The following PCNX1 variants were observed in gnomAD, a reference collection of about 807,000 sequenced individuals.
PCNX1 encodes pecanex 1, also known as pecanex-like protein 1.
A neutral mutation model predicts 242.2 loss-of-function variants in PCNX1; 78 were observed. The ratio of observed to expected loss-of-function variants is 0.32; its 90% confidence interval spans 0.27 to 0.39. PCNX1 has a LOEUF of 0.39. Among genes scored for constraint, PCNX1 ranks in the 10% least tolerant of loss-of-function variants. The pLI, the probability that PCNX1 is intolerant of heterozygous loss-of-function variation, is 1.00. For synonymous variants in PCNX1, 1,024 were observed against 1,032.9 expected, an observed-to-expected ratio of 0.99 and a Z score of 0.17; for missense variants, 2,581 against 2,856.5, an observed-to-expected ratio of 0.90 and a Z score of 2.20.
intron 11 of PCNX1, among the ~76,000 whole-genome samples, chr14:71,015,291 T>C (rs1217790888): frequency 6.6e-6 from 1 of 152,196 alleles, no homozygotes; most frequent in Non-Finnish European, 1.5e-5. Flanking sequence ...TAAGTCACTA[T>C]ATGGATAAAT....
chr14:70,962,454 T>C, intron 3 of PCNX1, 123 bp downstream of exon 3: 1 of 593,018 alleles, frequency 1.7e-6, no homozygotes, highest in South Asian at 2.2e-5. Context: ...TTTTAATTGC[T>C]TATTAATAAC....
At chr14:70,972,281 G>T (rs987757775) in intron 5 of PCNX1, among the ~76,000 whole-genome samples, 8 of 151,564 alleles carry the variant, frequency 5.3e-5, no homozygotes, top group Admixed American at 3.9e-4. Context: ...GTAAGTTAGG[G>T]GGTTCAGTTC....
intron 30 of PCNX1, among the ~76,000 whole-genome samples, chr14:71,100,480 C>G (rs999258458): frequency 6.6e-6 from 1 of 152,130 alleles, no homozygotes; most frequent in African/African-American, 2.4e-5. Context: ...GATGGGGTTC[C>G]CTTTTTATGT....
chr14:71,081,226 A>G (rs1294925559), intron 28 of PCNX1, among the ~76,000 whole-genome samples: 1 of 152,180 alleles, frequency 6.6e-6, no homozygotes, highest in Non-Finnish European at 1.5e-5. Context: ...AGCCAACTTG[A>G]TTATGGTGGA....
chr14:71,025,065 A>G (rs927990852), intron 13 of PCNX1, among the ~76,000 whole-genome samples: 2 of 152,166 alleles, frequency 1.3e-5, no homozygotes, highest in Non-Finnish European at 2.9e-5. Context: ...TGATTCAGTT[A>G]TCATTTATTG....
chr14:71,090,210 A>G (rs1461237998), intron 30 of PCNX1, among the ~76,000 whole-genome samples: 2 of 152,192 alleles, frequency 1.3e-5, no homozygotes, highest in Non-Finnish European at 2.9e-5. Flanking sequence ...GGGTAATAAC[A>G]TTAAAGTGAG....
Position 71,109,479 on chromosome 14 carries a change from G to T in PCNX1, c.6772G>T (p.Gly2258Trp). 1.2e-6 allele frequency: 2 copies of T among 1,613,298 alleles called. No homozygotes were observed. The highest frequency in any genetic ancestry group is 1.7e-6 in the Non-Finnish European group (2 of 1,179,452). The change falls in exon 35 of 36, where the codon GGG becomes TGG. Residue 2258 changes from glycine (G) to tryptophan (W), a missense_variant. Physicochemically the swap from Gly to Trp is radical, Grantham distance 184 (BLOSUM62 -2). Transcript: ENST00000304743. ...TGTGGATCCCAGTCAAATTCTGGAAGGGATCAACCTGTCTAAAAGGAAAGA... is the reference window on the plus strand; with the variant it reads ...TGTGGATCCCAGTCAAATTCTGGAATGGATCAACCTGTCTAAAAGGAAAGA... ...QIVDPSQILE[G>W]INLSKRKELQ...
intron 24 of PCNX1, among the ~76,000 whole-genome samples, chr14:71,053,593 C>G (rs2061100912): frequency 6.6e-6 from 1 of 152,192 alleles, no homozygotes; most frequent in African/African-American, 2.4e-5. Context: ...GCTGGGATTA[C>G]AGGCGTGAGC....
Position 71,112,444 on chromosome 14 carries a change from T to C in PCNX1, c.*2509T>C, listed in dbSNP as rs893740380. The C allele has an allele frequency of 6.6e-6, 1 of 152,132 alleles. No homozygotes were observed. Among genetic ancestry groups the C allele is most frequent in the Non-Finnish European group, 1.5e-5 (1 of 67,944 alleles). The allele number at this position is 152,132 out of a possible 1,614,324, so 9.4% of individuals were successfully genotyped here. A position where few individuals can be genotyped will look rare whatever the true frequency, so the allele number is the denominator to read the frequency against. The stretch of plus-strand genomic sequence containing the variant: ...CCCTGAGAAGAAGCCCTGTTGTTTT[T>C]CTTAAGAGTCTAAAACTGACAATCT... On this transcript the variant is annotated 3_prime_UTR_variant, in exon 36 of 36. Coordinates refer to ENST00000304743, the MANE Select transcript of PCNX1 (RefSeq NM_014982.3).
At chr14:71,073,438 C>G (rs1467750337) in intron 26 of PCNX1, 107 bp from the exon 27 acceptor site, 1 of 1,072,400 alleles carries the variant, frequency 9.3e-7, no homozygotes, top group Non-Finnish European at 1.3e-6. Flanking sequence ...CACATACTTT[C>G]AATTGCAATA....
chr14:71,085,099 G>C (rs942100892), intron 28 of PCNX1, among the ~76,000 whole-genome samples: 2 of 152,196 alleles, frequency 1.3e-5, no homozygotes, highest in African/African-American at 4.8e-5. Context: ...AGGGGAGCAA[G>C]TTCCCCGACC....
chr14:71,105,143 C>T lies in PCNX1; in HGVS notation c.6096-92C>T, dbSNP rs2062576433. On this transcript the variant is annotated intron_variant, in intron 32 of 35. Transcript: ENST00000304743. ...GACTTTAAAAGGTGAACATTAGTAGCATTTGCAGTTCAGAATAGCTGGAAA... is the reference window on the plus strand; with the variant it reads ...GACTTTAAAAGGTGAACATTAGTAGTATTTGCAGTTCAGAATAGCTGGAAA... 3.4e-6 allele frequency: 3 copies of T among 887,154 alleles called. No individual in the cohort carries two copies. In the Admixed American group the frequency reaches 6.3e-5, roughly 19 times the overall value. 55.0% of individuals were successfully genotyped at this position (887,154 alleles called of 1,614,324 possible). A position where few individuals can be genotyped will look rare whatever the true frequency, so the allele number is the denominator to read the frequency against.
chr14:71,106,650 G>A (rs752814850), intron 33 of PCNX1, among the ~76,000 whole-genome samples: 1 of 151,774 alleles, frequency 6.6e-6, no homozygotes, highest in Non-Finnish European at 1.5e-5. Context: ...TTGCTCCAGT[G>A]GGGGCAGGAG....
Position 71,110,053 on chromosome 14 carries a change from G to A in PCNX1, c.*118G>A, listed in dbSNP as rs761135553. 13 of 920,262 alleles carry A rather than the reference G, an allele frequency of 1.4e-5. No homozygotes were observed. Among genetic ancestry groups the A allele is most frequent in the Non-Finnish European group, 2.1e-5 (12 of 563,098 alleles). The allele number at this position is 920,262 out of a possible 1,614,324, so 57.0% of individuals were successfully genotyped here. On this transcript the variant is annotated 3_prime_UTR_variant, in exon 36 of 36. Coordinates refer to ENST00000304743, the MANE Select transcript of PCNX1 (RefSeq NM_014982.3). ...ACTTTGATCCTATGTGGGAGCGACT[G>A]AAAATAGAATGAGCTTGGTTAAGCA... is the stretch of plus-strand genomic sequence containing the variant.
intron 32 of PCNX1, among the ~76,000 whole-genome samples, chr14:71,104,703 G>T (rs560653979): frequency 1.3e-5 from 2 of 152,272 alleles, no homozygotes; most frequent in East Asian, 3.9e-4. Flanking sequence ...GCTGAGGTGG[G>T]CAGATCATAA....
intron 1 of PCNX1, among the ~76,000 whole-genome samples, chr14:70,921,828 C>A (rs1433897252): frequency 6.6e-6 from 1 of 152,154 alleles, no homozygotes; most frequent in African/African-American, 2.4e-5. Context: ...CTCTTACACA[C>A]ATATCTGACT....
chr14:71,060,565 C>A (rs975335819), intron 26 of PCNX1: 6 of 152,192 alleles, frequency 3.9e-5, no homozygotes, highest in Admixed American at 1.3e-4. Context: ...GAGGCCACAT[C>A]GAGTAGATTG....
intron 29 of PCNX1, 78 bp downstream of exon 29, chr14:71,088,508 C>T (rs182452182): frequency 4.1e-5 from 32 of 790,002 alleles, no homozygotes; most frequent in South Asian, 2.7e-4. Context: ...TTTTCATGGA[C>T]GCATGTATTC....
intron 28 of PCNX1, among the ~76,000 whole-genome samples, chr14:71,084,852 G>T (rs539895641): frequency 6.6e-6 from 1 of 152,158 alleles, no homozygotes; most frequent in Non-Finnish European, 1.5e-5. Context: ...CCAGGGGAGT[G>T]AACAGTTCTG....
Sources: allele counts gnomAD v4.1 joint callset (sites outside exome capture counted in the v4.1 genomes callset), GRCh38; gene constraint gnomAD v4.1.1; transcripts MANE v1.5; gene names NCBI Gene and HGNC (gene_info 2026-07-23, HGNC 2026-07-21).